COX16: variants seen among roughly 807,000 people sequenced by gnomAD.
COX16 encodes the protein cytochrome c oxidase assembly protein COX16 homolog, mitochondrial.
COX16 carries 12 observed loss-of-function variants against 15.4 expected under a neutral mutation model. That is an observed-to-expected ratio of 0.78 (90% CI 0.50 to 1.26). The LOEUF (loss-of-function observed/expected upper bound fraction) is 1.26. Ranked by LOEUF, COX16 falls within the 50% of genes most tolerant of loss-of-function variation. COX16 has a pLI of 0.00. For missense variants in COX16, 124 were observed against 127.6 expected (o/e 0.97, Z 0.14); for synonymous variants, 46 against 41.1 (o/e 1.12, Z -0.46).
chr14:70,359,447 C>G lies in COX16; in HGVS notation c.69+72G>C, dbSNP rs1281933417. ...CCCTTAACTTCACATTTTACAGATT[C>G]CCTCCCAGGTCTTGATCCTGCCAAG... On this transcript the variant is annotated intron_variant, in intron 1 of 3. Transcript: ENST00000389912. 2.1e-5 allele frequency: 28 copies of G among 1,353,034 alleles called. No homozygotes were observed. The East Asian group carries it at 6.4e-4, about 31-fold the overall frequency. 83.8% of individuals were successfully genotyped at this position (1,353,034 alleles called of 1,614,324 possible).
At chr14:70,336,495 A>C (rs1203165617) in intron 2 of COX16, among the ~76,000 whole-genome samples, 1 of 152,188 alleles carries the variant, frequency 6.6e-6, no homozygotes, top group Non-Finnish European at 1.5e-5. Flanking sequence ...ATTGTGTTTC[A>C]CAACAAAACA....
In COX16 at chr14:70,329,189, T is replaced by C; in HGVS notation, c.189A>G (p.Leu63=). ...EKKLKENKIS[L]ESEYEKIKDS... is the part of the protein sequence containing the mutation. ...CATACCGTACCTCATATTCCGACTC[T>C]AAAGATATTTTATTCTCTTTCAGTT... Residue 63 remains leucine (L), a synonymous_variant, in exon 3 of 4, where the codon TTA becomes TTG. Coordinates refer to ENST00000389912, the MANE Select transcript of COX16 (RefSeq NM_016468.7). The C allele has an allele frequency of 6.2e-7, 1 of 1,608,592 alleles. No individual in the cohort carries two copies.
chr14:70,328,505 C>T lies in COX16; in HGVS notation c.204+669G>A, dbSNP rs555521147. Among the ~76,000 whole-genome samples, 6 of 152,210 alleles carry T rather than the reference C, an allele frequency of 3.9e-5. No individual in the cohort carries two copies. In the East Asian group the frequency reaches 9.7e-4, roughly 24 times the overall value. On this transcript the variant is annotated intron_variant, in intron 3 of 3. Coordinates refer to ENST00000389912, the MANE Select transcript of COX16 (RefSeq NM_016468.7). ...ATCCTCACCACATCCCATAATATAGCGTGCTGTTAAACTCCTTGATTTTTG... is the reference window on the plus strand; with the variant it reads ...ATCCTCACCACATCCCATAATATAGTGTGCTGTTAAACTCCTTGATTTTTG...
At chr14:70,354,241 A>G (rs1278565590) in intron 1 of COX16, among the ~76,000 whole-genome samples, 2 of 152,234 alleles carry the variant, frequency 1.3e-5, no homozygotes, top group Non-Finnish European at 2.9e-5. Flanking sequence ...CAAATCAGAA[A>G]AAATATCTGT....
At chr14:70,333,287 A>G (rs6573954) in intron 2 of COX16, among the ~76,000 whole-genome samples, 132,515 of 152,242 alleles carry the variant, frequency 0.87, 57,740 homozygotes, top group East Asian at 0.93. Context: ...TTCAGACAAA[A>G]AACTGAAAAT....
chr14:70,354,831 T>TGTGTGTGCGC (rs1192636482), intron 1 of COX16, among the ~76,000 whole-genome samples: 1 of 96,280 alleles, frequency 1.0e-5, no homozygotes, highest in African/African-American at 4.2e-5. Flanking sequence ...ATGCATAGAG[T>TGTGTGTGCGC]GTGTGTGTGC....
At chr14:70,350,374 G>A (rs1018608253) in intron 1 of COX16, among the ~76,000 whole-genome samples, 2 of 152,060 alleles carry the variant, frequency 1.3e-5, no homozygotes, top group Non-Finnish European at 2.9e-5. Context: ...GCCATTTTAG[G>A]CCTCAGCCCG....
chr14:70,335,671 AG>A (rs1182212594), intron 2 of COX16, among the ~76,000 whole-genome samples: 1 of 151,992 alleles, frequency 6.6e-6, no homozygotes, highest in Non-Finnish European at 1.5e-5. Context: ...ACATGAACAT[AG>A]CTATGTTCAT....
At chr14:70,336,956 G>C (rs1886475222) in intron 2 of COX16, among the ~76,000 whole-genome samples, 1 of 152,070 alleles carries the variant, frequency 6.6e-6, no homozygotes, top group South Asian at 2.1e-4. Flanking sequence ...AAGAGATAAA[G>C]ACCCACTAAA....
At chr14:70,342,832 C>A in intron 1 of COX16, 103 bp from the exon 2 acceptor site, 1 of 1,217,380 alleles carries the variant, frequency 8.2e-7, no homozygotes. Context: ...GCACATTATA[C>A]AAAAATTCTA....
At chr14:70,327,652 T>C (rs1009998820) in intron 3 of COX16, among the ~76,000 whole-genome samples, 4 of 152,188 alleles carry the variant, frequency 2.6e-5, no homozygotes, top group Non-Finnish European at 1.5e-5. Flanking sequence ...TCTAAAGTTA[T>C]TAAAAGATTT....
chr14:70,339,433 A>G (rs1886558269), intron 2 of COX16, among the ~76,000 whole-genome samples: 2 of 152,182 alleles, frequency 1.3e-5, no homozygotes, highest in Admixed American at 1.3e-4. Flanking sequence ...CTTTCAGTAC[A>G]AAAATCAGGA....
intron 1 of COX16, chr14:70,359,234 A>C: frequency 1.9e-6 from 1 of 538,148 alleles, no homozygotes; most frequent in Non-Finnish European, 3.6e-6. Context: ...AATCAAGGGT[A>C]GTAACAATGA....
In COX16 at chr14:70,326,242, T is replaced by C; in HGVS notation, c.*91A>G. 9.3e-7 allele frequency: 1 copy of C among 1,076,052 alleles called. No homozygotes were observed. Among genetic ancestry groups the C allele is most frequent in the Non-Finnish European group, 1.2e-6 (1 of 825,370 alleles). The allele number at this position is 1,076,052 out of a possible 1,614,324, so 66.7% of individuals were successfully genotyped here. On this transcript the variant is annotated 3_prime_UTR_variant, in exon 4 of 4. Coordinates refer to ENST00000389912, the MANE Select transcript of COX16 (RefSeq NM_016468.7). ...TCCAAGTTTCCATGGGCCTGGAATT[T>C]CCTTTCCACTTGATAGAAGTATATA...
intron 1 of COX16, among the ~76,000 whole-genome samples, chr14:70,345,920 TCAGCTGCCATCTTCC>T (rs970569805): frequency 3.2e-4 from 48 of 152,116 alleles, no homozygotes; most frequent in East Asian, 9.7e-4. Context: ...CGTTGTCTTC[TCAGCTGCCATCTTCC>T]CAGCTGCCAT....
At chr14:70,358,465 C>T (rs1032893917) in intron 1 of COX16, among the ~76,000 whole-genome samples, 4 of 140,720 alleles carry the variant, frequency 2.8e-5, no homozygotes, top group Admixed American at 1.5e-4. Flanking sequence ...CTTCCCCTAA[C>T]ACTGGGATTA....
At chr14:70,329,518 A>G (rs1331496558) in intron 2 of COX16, among the ~76,000 whole-genome samples, 1 of 152,098 alleles carries the variant, frequency 6.6e-6, no homozygotes, top group Non-Finnish European at 1.5e-5. Flanking sequence ...TCTGTATTAT[A>G]TGTAAGGAAT....
intron 3 of COX16, among the ~76,000 whole-genome samples, chr14:70,326,820 T>G (rs1052888833): frequency 6.6e-6 from 1 of 151,724 alleles, no homozygotes; most frequent in African/African-American, 2.4e-5. Flanking sequence ...TGGTAGAAAA[T>G]AAGAAGAAAA....
chr14:70,357,668 G>A (rs1887172269), intron 1 of COX16, among the ~76,000 whole-genome samples: 1 of 152,120 alleles, frequency 6.6e-6, no homozygotes. Context: ...AAGTCGTTAG[G>A]GAAATGAAAA....
Sources: gnomAD v4.1 joint callset for allele counts (sites outside exome capture counted in the v4.1 genomes callset) on GRCh38, gnomAD v4.1.1 for gene constraint, MANE v1.5 for transcripts, NCBI Gene and HGNC (gene_info 2026-07-23, HGNC 2026-07-21) for gene names.